The following PLS3 variants were observed in gnomAD, a reference collection of about 807,000 sequenced individuals.
PLS3 encodes plastin-3.
PLS3 carries 11 observed loss-of-function variants against 46.5 expected under a neutral mutation model. The observed-to-expected ratio is 0.24, with a 90% CI of 0.15 to 0.39. PLS3 has a LOEUF of 0.39. Ranked by LOEUF, PLS3 falls within the 10% of genes least tolerant of loss-of-function variation. The pLI is 1.00. For synonymous variants in PLS3, 167 were observed against 162.2 expected (o/e 1.03, Z -0.22); for missense variants, 308 against 461.8 (o/e 0.67, Z 3.05).
intron 1 of PLS3, among the ~76,000 whole-genome samples, chrX:115,592,666 A>T (rs1223465151): frequency 1.8e-5 from 2 of 112,042 alleles, no homozygotes; most frequent in African/African-American, 6.5e-5. Context: ...TTCAATAATG[A>T]GAGCAGTTAT....
chrX:115,607,602 G>C lies in PLS3; in HGVS notation c.-8-2641G>C, dbSNP rs782192904. The stretch of plus-strand genomic sequence containing the variant: ...CAACCTCTACCTCCCAGGTTCAAGC[G>C]ATTCTCCTGCCTCACTCAACCTCCC... On this transcript the variant is annotated intron_variant, in intron 1 of 15. Coordinates refer to ENST00000355899, the MANE Select transcript of PLS3 (RefSeq NM_005032.7). 4.6e-3 allele frequency among the ~76,000 whole-genome samples: 504 copies of C among 108,587 alleles called. 1 individual carries two copies. The highest frequency in any genetic ancestry group is 7.3e-3 in the Non-Finnish European group (385 of 52,400). 94.3% of individuals were successfully genotyped at this position (108,587 alleles called of 115,157 possible).
rs1223989923 is a variant in PLS3, at chrX:115,570,697, T to C, written c.-9+9437T>C. ...CTTTTTTTTGTAGTTTGTTTTTTAG[T>C]AGAGATGGGATTTCCCCATGTTGCC... On this transcript the variant is annotated intron_variant, in intron 1 of 15. Transcript: ENST00000355899. 6.5e-5 allele frequency among the ~76,000 whole-genome samples: 7 copies of C among 106,879 alleles called. No homozygotes were observed. The East Asian group carries it at 2.1e-3, about 32-fold the overall frequency. The allele number at this position is 106,879 out of a possible 115,157, so 92.8% of individuals were successfully genotyped here.
chrX:115,640,570 A>G (rs2074884762), intron 9 of PLS3, 67 bp downstream of exon 9: 4 of 568,824 alleles, frequency 7.0e-6, no homozygotes, highest in African/African-American at 2.3e-5. Context: ...TATAAGTACA[A>G]TAATTTTTAT....
rs782750342 is a variant in PLS3, at chrX:115,622,304, T to G, written c.132T>G (p.Ala44=). ...AACTTCATGAGCTCTTCAAGGAAGC[T>G]AATATGCCATTACCAGGATATAAAG... ...DYELHELFKE[A]NMPLPGYKVR... The change falls in exon 3 of 16, where the codon GCT becomes GCG. Residue 44 remains alanine, a synonymous_variant. Transcript: ENST00000355899. 2.0e-5 allele frequency: 24 copies of G among 1,180,629 alleles called. No homozygotes were observed. The highest frequency in any genetic ancestry group is 3.0e-5 in the East Asian group (1 of 33,549).
intron 1 of PLS3, among the ~76,000 whole-genome samples, chrX:115,566,514 G>C (rs1476993553): frequency 9.2e-6 from 1 of 109,102 alleles, no homozygotes; most frequent in African/African-American, 3.3e-5. Context: ...TCAGCCTCCC[G>C]AGTAGCTGGG....
chrX:115,594,542 T>C (rs1231170144), intron 1 of PLS3, among the ~76,000 whole-genome samples: 1 of 111,112 alleles, frequency 9.0e-6, no homozygotes, highest in Non-Finnish European at 1.9e-5. Context: ...TATAGTGATT[T>C]GAGTTGTAGG....
chrX:115,579,542 T>G (rs1470573262), intron 1 of PLS3, among the ~76,000 whole-genome samples: 1 of 111,979 alleles, frequency 8.9e-6, no homozygotes, highest in Non-Finnish European at 1.9e-5. Context: ...AGTGATCCAG[T>G]TTTTCCACAT....
chrX:115,646,557 G>A (rs782480098), intron 13 of PLS3, 22 bp downstream of exon 13: 2 of 1,192,230 alleles, frequency 1.7e-6, no homozygotes. Context: ...AATTTTAGCT[G>A]TTTAGTCTTT....
chrX:115,602,644 G>A (rs1270350153), intron 1 of PLS3, among the ~76,000 whole-genome samples: 1 of 111,379 alleles, frequency 9.0e-6, no homozygotes, highest in Non-Finnish European at 1.9e-5. Context: ...CATAATGGTG[G>A]CTAACTTGTT....
At chrX:115,573,225 C>A (rs1282268967) in intron 1 of PLS3, among the ~76,000 whole-genome samples, 1 of 110,875 alleles carries the variant, frequency 9.0e-6, no homozygotes, top group African/African-American at 3.3e-5. Flanking sequence ...CACTTATAAC[C>A]CAATATAATC....
intron 2 of PLS3, among the ~76,000 whole-genome samples, chrX:115,611,466 GTTTTTTTTT>G (rs371160045): frequency 9.4e-6 from 1 of 106,338 alleles, no homozygotes; most frequent in African/African-American, 3.4e-5. Flanking sequence ...GGCTGCAAGA[GTTTTTTTTT>G]TTCAAAATGA....
chrX:115,590,227 C>T (rs1383241185), intron 1 of PLS3, among the ~76,000 whole-genome samples: 2 of 111,350 alleles, frequency 1.8e-5, no homozygotes, highest in East Asian at 2.8e-4. Context: ...ATTTGGTTTC[C>T]GTCGGCTTTC....
At chrX:115,570,629 C>T (rs1556630601) in intron 1 of PLS3, among the ~76,000 whole-genome samples, 1 of 106,873 alleles carries the variant, frequency 9.4e-6, no homozygotes, top group East Asian at 3.0e-4. Context: ...CTCAGCCTCC[C>T]GAGTAGCTGG....
intron 1 of PLS3, among the ~76,000 whole-genome samples, chrX:115,570,246 T>A (rs1347279696): frequency 3.6e-5 from 4 of 111,086 alleles, no homozygotes; most frequent in Admixed American, 2.9e-4. Flanking sequence ...AGCTCTCCCA[T>A]TTTATATCTC....
intron 2 of PLS3, among the ~76,000 whole-genome samples, chrX:115,618,206 A>G (rs1310724323): frequency 8.9e-6 from 1 of 112,207 alleles, no homozygotes; most frequent in Non-Finnish European, 1.9e-5. Flanking sequence ...AATTTAAAAC[A>G]TCTCTACCTT....
chrX:115,631,254 A>G (rs1353119422), intron 5 of PLS3, among the ~76,000 whole-genome samples: 1 of 107,788 alleles, frequency 9.3e-6, no homozygotes, highest in Non-Finnish European at 1.9e-5. Flanking sequence ...TACTTTTAGT[A>G]GAGATGGGGT....
chrX:115,571,491 C>T lies in PLS3; in HGVS notation c.-9+10231C>T, dbSNP rs190676579. ...CAAGATCGTGCCACTTCCCTCCAGC[C>T]TGGGTGACAGAGCAAGACTCTGGAA... On this transcript the variant is annotated intron_variant, in intron 1 of 15. Coordinates refer to ENST00000355899, the MANE Select transcript of PLS3 (RefSeq NM_005032.7). Among the ~76,000 whole-genome samples, 791 of 101,827 alleles carry T rather than the reference C, an allele frequency of 7.8e-3. 7 individuals are homozygous for T. The highest frequency in any genetic ancestry group is 0.027 in the African/African-American group (742 of 27,453). The allele number at this position is 101,827 out of a possible 115,157, so 88.4% of individuals were successfully genotyped here. A position where few individuals can be genotyped will look rare whatever the true frequency, so the allele number is the denominator to read the frequency against.
At chrX:115,596,705 C>T (rs782779750) in intron 1 of PLS3, among the ~76,000 whole-genome samples, 4 of 110,620 alleles carry the variant, frequency 3.6e-5, no homozygotes, top group Admixed American at 9.7e-5. Context: ...GATGTGGTGG[C>T]GCATGCTTGT....
chrX:115,619,862 C>T lies in PLS3; in HGVS notation c.74-2384C>T, dbSNP rs376645986. On this transcript the variant is annotated intron_variant, in intron 2 of 15. Coordinates refer to ENST00000355899, the MANE Select transcript of PLS3 (RefSeq NM_005032.7). ...CCAGCTTGGGCAAGAGAGACCCTGT[C>T]TCAAAGAAATACAAAAGTAAAAATA... Among the ~76,000 whole-genome samples the T allele has an allele frequency of 3.1e-4, 35 of 111,444 alleles. 1 individual carries two copies. The South Asian group carries it at 0.012, about 40-fold the overall frequency.
Sources: allele counts gnomAD v4.1 joint callset (sites outside exome capture counted in the v4.1 genomes callset), GRCh38; gene constraint gnomAD v4.1.1; transcripts MANE v1.5; gene names NCBI Gene and HGNC (gene_info 2026-07-23, HGNC 2026-07-21).